The following ATAD3A variants were observed in gnomAD, a reference collection of about 807,000 sequenced individuals.
The protein encoded by ATAD3A is ATPase family AAA domain-containing protein 3A.
In ATAD3A, 46 loss-of-function variants were observed where a neutral mutation model predicts 73.8. That is an observed-to-expected ratio of 0.62 (90% CI 0.49 to 0.80). The LOEUF is 0.80. ATAD3A is among the 30% of genes least tolerant of loss of function. The pLI, the probability that ATAD3A is intolerant of heterozygous loss-of-function variation, is 0.00. For missense variants in ATAD3A, 705 were observed against 838.0 expected, an observed-to-expected ratio of 0.84 and a Z score of 1.96; for synonymous variants, 319 against 350.0, an observed-to-expected ratio of 0.91 and a Z score of 0.99.
intron 11 of ATAD3A, among the ~76,000 whole-genome samples, chr1:1,524,952 C>T (rs944742606): frequency 2.0e-5 from 3 of 152,200 alleles, no homozygotes; most frequent in Admixed American, 6.5e-5. Context: ...GGACTCTAAG[C>T]GGCCACCAGT....
Position 1,518,004 on chromosome 1 carries a change from C to G in ATAD3A, c.444+229C>G, listed in dbSNP as rs189037071. ...AGACACAGGCACCTACCCACACGGA[C>G]ACACACTCCTCGCACACACACTCCC... On this transcript the variant is annotated intron_variant, in intron 4 of 15. Coordinates refer to ENST00000378756, the MANE Select transcript of ATAD3A (RefSeq NM_001170535.3). 1.3e-3 allele frequency among the ~76,000 whole-genome samples: 194 copies of G among 152,036 alleles called. 1 individual carries two copies. The highest frequency in any genetic ancestry group is 4.6e-3 in the African/African-American group (190 of 41,420).
In ATAD3A at chr1:1,527,651, C is replaced by T. The variant is rs75515030; in HGVS notation, c.1338-44C>T. 3,439 of 1,572,854 alleles carry T rather than the reference C, an allele frequency of 2.2e-3. 77 individuals are homozygous for T. In the African/African-American group the frequency reaches 0.042, roughly 19 times the overall value. Reference sequence around the variant, plus strand: ...AGGCCCCGTTCCCCTTGGTGCAGCTCGGCCGGCAGCCCCAGCATCCTCATC... The same window carrying T: ...AGGCCCCGTTCCCCTTGGTGCAGCTTGGCCGGCAGCCCCAGCATCCTCATC... On this transcript the variant is annotated intron_variant, in intron 13 of 15. Coordinates refer to ENST00000378756, the MANE Select transcript of ATAD3A (RefSeq NM_001170535.3).
intron 4 of ATAD3A, among the ~76,000 whole-genome samples, chr1:1,518,716 A>C (rs1641476038): frequency 8.0e-6 from 1 of 125,050 alleles, no homozygotes; most frequent in South Asian, 2.8e-4. Flanking sequence ...ACCCACCCAC[A>C]CATGGGCACA....
At position 1,517,388 on chromosome 1, in the gene ATAD3A, C is replaced by T. The variant is rs571690031; in HGVS notation, c.360C>T (p.Ser120=). 504 of 1,526,378 alleles carry T rather than the reference C, an allele frequency of 3.3e-4. 1 individual carries two copies. Among genetic ancestry groups the T allele is most frequent in the Non-Finnish European group, 3.7e-4 (422 of 1,138,618 alleles). 94.6% of individuals were successfully genotyped at this position (1,526,378 alleles called of 1,614,324 possible). Residue 120 remains serine (S), a synonymous_variant, in exon 3 of 16, where the codon AGC becomes AGT. Coordinates refer to ENST00000378756, the MANE Select transcript of ATAD3A (RefSeq NM_001170535.3). Reference sequence around the variant, plus strand: ...CTGAGGAGAGGAGGAAGACCCTGAGCGAGGAGACCCGGCAGCACCAGGCCG... The same window carrying T: ...CTGAGGAGAGGAGGAAGACCCTGAGTGAGGAGACCCGGCAGCACCAGGCCG... ...AQAEERRKTL[S]EETRQHQARA...
In ATAD3A at chr1:1,532,419, A is replaced by G. The variant is rs999987887; in HGVS notation, c.1615-1507A>G. 5.9e-5 allele frequency among the ~76,000 whole-genome samples: 9 copies of G among 152,298 alleles called. No homozygotes were observed. The South Asian group carries it at 6.2e-4, about 11-fold the overall frequency. On this transcript the variant is annotated intron_variant, in intron 15 of 15. Coordinates refer to ENST00000378756, the MANE Select transcript of ATAD3A (RefSeq NM_001170535.3). The stretch of plus-strand genomic sequence containing the variant: ...CATCAGGTCCAGGTCTTGTCTTTCA[A>G]CTTTTATAGTTTGAAGATTTTAGGT...
chr1:1,517,445 C>G (rs1308237739), intron 3 of ATAD3A, 33 bp downstream of exon 3: 6 of 1,462,830 alleles, frequency 4.1e-6, no homozygotes, highest in Admixed American at 2.2e-5. Context: ...GGGAGGCCGC[C>G]CGGCTGCGGG....
Position 1,527,750 on chromosome 1 carries a change from G to T in ATAD3A, c.1393G>T (p.Asp465Tyr). Residue 465 changes from aspartate to tyrosine, a missense_variant, in exon 14 of 16, where the codon GAC becomes TAC. This residue lies in a region of ATAD3A where 252 missense variants were observed against 278.5 expected (regional missense o/e 0.90). Coordinates refer to ENST00000378756, the MANE Select transcript of ATAD3A (RefSeq NM_001170535.3). ...QPEQFDWAIN[D>Y]RINEMVHFDL... ...AGAGCAGTTCGACTGGGCCATCAAT[G>T]ACCGCATCAATGAGATGGTCCACTT... is the stretch of plus-strand genomic sequence containing the variant. 6.2e-7 allele frequency: 1 copy of T among 1,613,964 alleles called. No homozygotes were observed. The highest frequency in any genetic ancestry group is 1.3e-5 in the African/African-American group (1 of 75,038).
At chr1:1,529,008 T>C (rs548046667) in intron 14 of ATAD3A, among the ~76,000 whole-genome samples, 1 of 151,534 alleles carries the variant, frequency 6.6e-6, no homozygotes, top group African/African-American at 2.4e-5. Flanking sequence ...GTGTGAGGAG[T>C]GGTTGGGGCC....
chr1:1,529,272 G>A lies in ATAD3A; in HGVS notation c.1555G>A (p.Ala519Thr), dbSNP rs377465565. Reference protein sequence around the residue: ...FDYGRKCSEVARLTEGMSGRE... With the variant: ...FDYGRKCSEVTRLTEGMSGRE... ...CTACGGGAGGAAGTGCTCGGAGGTC[G>A]CTCGGCTGACGGAGGGCATGTCGGG... is the stretch of plus-strand genomic sequence containing the variant. Residue 519 changes from alanine to threonine, a missense_variant, in exon 15 of 16, where the codon GCT (alanine) becomes ACT (threonine). Physicochemically the swap from Ala to Thr is moderately conservative, Grantham distance 58 (BLOSUM62 0). This residue lies in a region of ATAD3A where 252 missense variants were observed against 278.5 expected (regional missense o/e 0.90). Coordinates refer to ENST00000378756, the MANE Select transcript of ATAD3A (RefSeq NM_001170535.3). 9.3e-6 allele frequency: 15 copies of A among 1,607,802 alleles called. No individual in the cohort carries two copies. The highest frequency in any genetic ancestry group is 9.0e-5 in the East Asian group (4 of 44,616).
At chr1:1,533,015 G>A (rs1298816458) in intron 15 of ATAD3A, among the ~76,000 whole-genome samples, 1 of 152,206 alleles carries the variant, frequency 6.6e-6, no homozygotes. Context: ...AGGGGTGGGC[G>A]CTTGCAGAGG....
chr1:1,526,971 G>A (rs1336309851), intron 13 of ATAD3A, among the ~76,000 whole-genome samples: 1 of 152,152 alleles, frequency 6.6e-6, no homozygotes, highest in Non-Finnish European at 1.5e-5. Flanking sequence ...GCGGAACCTG[G>A]GACCTTGGTC....
At position 1,515,964 on chromosome 1, in the gene ATAD3A, G is replaced by A. The variant is rs781086011; in HGVS notation, c.206-48G>A. 23 of 1,608,602 alleles carry A rather than the reference G, an allele frequency of 1.4e-5. No individual in the cohort carries two copies. In the Middle Eastern group the frequency reaches 8.3e-4, roughly 58 times the overall value. ...TGGCTGGTGTGCGTGCCTGCCCAGC[G>A]GCATCCGTGTATCCTAACACCTGCC... On this transcript the variant is annotated intron_variant, in intron 1 of 15. Coordinates refer to ENST00000378756, the MANE Select transcript of ATAD3A (RefSeq NM_001170535.3).
rs9439442 is a variant in ATAD3A at position 1,524,391 on chromosome 1, G to A, written c.1208G>A (p.Arg403Gln). The A allele has an allele frequency of 4.1e-4, 658 of 1,605,358 alleles. No homozygotes were observed. In the African/African-American group the frequency reaches 5.5e-3, roughly 13 times the overall value. The change falls in exon 11 of 16, where the codon CGG becomes CAG. Residue 403 changes from arginine (R) to glutamine (Q), a missense_variant. Physicochemically the swap from Arg to Gln is conservative, Grantham distance 43. This residue lies in a region of ATAD3A where 252 missense variants were observed against 278.5 expected (regional missense o/e 0.90). Coordinates refer to ENST00000378756, the MANE Select transcript of ATAD3A (RefSeq NM_001170535.3). Reference protein sequence around the residue: ...HKLFDWANTSRRGLLLFVDEA... With the variant: ...HKLFDWANTSQRGLLLFVDEA... The stretch of plus-strand genomic sequence containing the variant: ...CTCTTTGACTGGGCCAATACCAGCC[G>A]GCGCGGGTGAGACGTCCCCACAGCA...
chr1:1,518,384 C>T (rs925232781), intron 4 of ATAD3A, among the ~76,000 whole-genome samples: 1 of 148,238 alleles, frequency 6.7e-6, no homozygotes, highest in Non-Finnish European at 1.5e-5. Flanking sequence ...CAGGCGCACA[C>T]CCACACACAC....
chr1:1,525,297 T>C lies in ATAD3A; in HGVS notation c.1266+6T>C, dbSNP rs1172181803. 1 of 1,613,152 alleles carries C rather than the reference T, an allele frequency of 6.2e-7. No individual in the cohort carries two copies. The highest frequency in any genetic ancestry group is 1.1e-5 in the South Asian group (1 of 90,976). On this transcript the variant is annotated splice_donor_region_variant and intron_variant, in intron 12 of 15. Coordinates refer to ENST00000378756, the MANE Select transcript of ATAD3A (RefSeq NM_001170535.3). Reference sequence around the variant, plus strand: ...TCCTTCGGAAGCGAGCCACCGTGAGTGTCACTAAGCCTCTGGCCACAATGG... The same window carrying C: ...TCCTTCGGAAGCGAGCCACCGTGAGCGTCACTAAGCCTCTGGCCACAATGG...
intron 1 of ATAD3A, 140 bp from the exon 2 acceptor site, chr1:1,515,872 G>A: frequency 1.2e-6 from 1 of 841,630 alleles, no homozygotes; most frequent in Non-Finnish European, 1.9e-6. Flanking sequence ...TGACTAGGAA[G>A]GAGGATGGGG....
chr1:1,526,525 G>A lies in ATAD3A; in HGVS notation c.1331G>A (p.Ser444Asn), dbSNP rs1169733517. 6.2e-7 allele frequency: 1 copy of A among 1,612,444 alleles called. No individual in the cohort carries two copies. The highest frequency in any genetic ancestry group is 2.2e-5 in the East Asian group (1 of 44,880). ...TTCCTGTACCGCACGGGCCAGCACA[G>A]CAACAAGTGAGGGAGCCCCTCGGGT... The part of the protein sequence containing the change: ...NAFLYRTGQH[S>N]NKFMLVLASN... Residue 444 changes from serine (S) to asparagine (N), a missense_variant, in exon 13 of 16, where the codon AGC becomes AAC. Physicochemically the swap from Ser to Asn is conservative, Grantham distance 46. Coordinates refer to ENST00000378756, the MANE Select transcript of ATAD3A (RefSeq NM_001170535.3).
intron 13 of ATAD3A, chr1:1,527,327 A>T (rs1641882575): frequency 9.0e-7 from 1 of 1,110,278 alleles, no homozygotes; most frequent in South Asian, 1.6e-5. Context: ...GCCTCCAGTG[A>T]ACCCGGGCCC....
In ATAD3A at chr1:1,520,425, G is replaced by T; in HGVS notation, c.680+119G>T. 6.3e-7 allele frequency: 1 copy of T among 1,594,826 alleles called. No individual in the cohort carries two copies. On this transcript the variant is annotated intron_variant, in intron 6 of 15. Coordinates refer to ENST00000378756, the MANE Select transcript of ATAD3A (RefSeq NM_001170535.3). The surrounding 1 kb of genome is among the most constrained non-coding windows in gnomAD (Gnocchi z 4.0). ...CCGCCGTAGGCTGACTCCTTGGTGG[G>T]GGCACTGCCCCTCTGTCCTGGCAAG...
Sources: allele counts gnomAD v4.1 joint callset (sites outside exome capture counted in the v4.1 genomes callset), GRCh38; gene constraint gnomAD v4.1.1; regional missense constraint gnomAD v4.1.1; non-coding constraint Gnocchi (gnomAD v3.1); transcripts MANE v1.5; gene names NCBI Gene and HGNC (gene_info 2026-07-23, HGNC 2026-07-21).